The following UNC79 variants were observed in gnomAD, a reference collection of about 807,000 sequenced individuals.
UNC79 encodes protein unc-79 homolog.
In UNC79, 37 loss-of-function variants were observed where a neutral mutation model predicts 283.1. That is an observed-to-expected ratio of 0.13 (90% confidence interval 0.10 to 0.17). The LOEUF is 0.17. UNC79 is among the 10% of genes least tolerant of loss of function. The pLI, the probability that UNC79 is intolerant of heterozygous loss-of-function variation, is 1.00. For synonymous variants in UNC79, 1,107 were observed against 1,200.2 expected, an observed-to-expected ratio of 0.92 and a Z score of 1.61; for missense variants, 2,272 against 3,211.1, an observed-to-expected ratio of 0.71 and a Z score of 7.07.
At chr14:93,706,591 A>G in intron 48 of UNC79, 113 bp from the exon 52 acceptor site, 1 of 1,239,864 alleles carries the variant, frequency 8.1e-7, no homozygotes, top group Non-Finnish European at 1.1e-6. Context: ...TCTTCAGGCC[A>G]GACAACCCTT....
Position 93,642,502 on chromosome 14 carries a change from T to C in UNC79, c.5904-1055T>C, listed in dbSNP as rs191118917. Among the ~76,000 whole-genome samples the C allele has an allele frequency of 1.4e-4, 21 of 151,828 alleles. No homozygotes were observed. The East Asian group carries it at 3.7e-3, about 27-fold the overall frequency. Reference sequence around the variant, plus strand: ...AGTATCCCTGTAGCTGACCATCCATTACTCATTGTAATGACCTGACAGCCA... The same window carrying C: ...AGTATCCCTGTAGCTGACCATCCATCACTCATTGTAATGACCTGACAGCCA... On this transcript the variant is annotated intron_variant, in intron 33 of 48. Coordinates refer to ENST00000555664, the Ensembl canonical transcript of UNC79.
chr14:93,558,487 C>T (rs1024606151), intron 14 of UNC79, among the ~76,000 whole-genome samples: 3 of 147,794 alleles, frequency 2.0e-5, no homozygotes, highest in African/African-American at 7.6e-5. Flanking sequence ...ACCCCGGAGG[C>T]GGAGCTTGCA....
chr14:93,350,695 C>A (rs2053965878), intron 1 of UNC79, among the ~76,000 whole-genome samples: 2 of 152,058 alleles, frequency 1.3e-5, no homozygotes, highest in East Asian at 3.9e-4. Flanking sequence ...TAACCAATTT[C>A]TTTTAAAAAC....
intron 18 of UNC79, 51 bp downstream of exon 18, chr14:93,578,114 G>C (rs374722899): frequency 1.1e-5 from 16 of 1,520,840 alleles, no homozygotes; most frequent in African/African-American, 1.4e-5. Flanking sequence ...ATGAGAGAAA[G>C]CGTTGTACAG....
chr14:93,607,617 G>A (rs1247855164), intron 26 of UNC79, among the ~76,000 whole-genome samples: 1 of 152,206 alleles, frequency 6.6e-6, no homozygotes, highest in Non-Finnish European at 1.5e-5. Context: ...TTAAGGCCAT[G>A]AGTGTCCAGA....
chr14:93,565,620 C>G (rs189461544), intron 14 of UNC79, among the ~76,000 whole-genome samples: 62 of 152,266 alleles, frequency 4.1e-4, no homozygotes, highest in Middle Eastern at 3.4e-3. Flanking sequence ...CACAGGGACT[C>G]AAATATAGAA....
chr14:93,364,788 G>A (rs1280687916), intron 1 of UNC79, among the ~76,000 whole-genome samples: 2 of 151,830 alleles, frequency 1.3e-5, no homozygotes, highest in African/African-American at 2.4e-5. Context: ...AAGGTCCTGG[G>A]ATTTTTTTCC....
chr14:93,476,989 A>G (rs1004536669), intron 3 of UNC79, among the ~76,000 whole-genome samples: 2 of 152,182 alleles, frequency 1.3e-5, no homozygotes, highest in African/African-American at 4.8e-5. Context: ...CTGTTTAAAG[A>G]TGTTGTTAGA....
At chr14:93,640,398 G>T (rs1365845473) in intron 32 of UNC79, among the ~76,000 whole-genome samples, 1 of 152,204 alleles carries the variant, frequency 6.6e-6, no homozygotes, top group African/African-American at 2.4e-5. Context: ...GGAGGCTGAG[G>T]TGGGAGGATC....
chr14:93,641,673 G>A (rs1456683395), intron 33 of UNC79, among the ~76,000 whole-genome samples: 2 of 152,084 alleles, frequency 1.3e-5, no homozygotes, highest in Non-Finnish European at 2.9e-5. Flanking sequence ...ACAAAACAAA[G>A]CACTTGTAAG....
chr14:93,579,589 C>G lies in UNC79; in HGVS notation c.2434-560C>G, dbSNP rs145759977. 2.3e-3 allele frequency among the ~76,000 whole-genome samples: 356 copies of G among 152,264 alleles called. 1 individual carries two copies. The highest frequency in any genetic ancestry group is 7.9e-3 in the African/African-American group (330 of 41,554). ...GTTACTATGATTCTGTATTTTGATG[C>G]TCGTATTGTTCCGCATTTGGCCAGT... On this transcript the variant is annotated intron_variant, in intron 18 of 48. Coordinates refer to ENST00000555664, the Ensembl canonical transcript of UNC79.
intron 35 of UNC79, among the ~76,000 whole-genome samples, chr14:93,651,912 ATTTTTTTTTTTTTT>A (rs71129653): frequency 1.1e-4 from 5 of 46,602 alleles, no homozygotes; most frequent in Non-Finnish European, 2.0e-4. Context: ...CTAATTTTGT[ATTTTTTTTTTTTTT>A]TTTTTTTTTT....
At chr14:93,434,373 A>T (rs545295916) in intron 1 of UNC79, among the ~76,000 whole-genome samples, 3 of 150,992 alleles carry the variant, frequency 2.0e-5, no homozygotes, top group South Asian at 2.1e-4. Context: ...GAAGAGTTAA[A>T]TTTTTTTTTT....
At chr14:93,640,168 G>T (rs1032743200) in intron 32 of UNC79, among the ~76,000 whole-genome samples, 3 of 152,102 alleles carry the variant, frequency 2.0e-5, no homozygotes, top group Non-Finnish European at 4.4e-5. Context: ...TTTCCAGACT[G>T]ATTTACTCAT....
intron 1 of UNC79, among the ~76,000 whole-genome samples, chr14:93,385,439 T>C (rs1200276440): frequency 2.0e-5 from 3 of 152,138 alleles, no homozygotes; most frequent in African/African-American, 4.8e-5. Flanking sequence ...GTAAATAGGA[T>C]TACTTTCTTG....
In UNC79 at chr14:93,688,096, C is replaced by A. The variant is rs1327560975; in HGVS notation, c.6910-569C>A. Among the ~76,000 whole-genome samples, 6 of 152,130 alleles carry A rather than the reference C, an allele frequency of 3.9e-5. No individual in the cohort carries two copies. Among genetic ancestry groups the A allele is most frequent in the Admixed American group, 3.9e-4 (6 of 15,274 alleles). On this transcript the variant is annotated intron_variant, in intron 43 of 48. Coordinates refer to ENST00000555664, the Ensembl canonical transcript of UNC79. This position sits in a 1 kb window ranked among gnomAD's most constrained non-coding sequence, Gnocchi z 4.0. ...AATTAATTCAACAAATAGGTATGAGCACCTGTAATGTCGTGGCACTGTTCT... is the reference window on the plus strand; with the variant it reads ...AATTAATTCAACAAATAGGTATGAGAACCTGTAATGTCGTGGCACTGTTCT...
intron 1 of UNC79, among the ~76,000 whole-genome samples, chr14:93,346,957 G>A (rs1206235791): frequency 2.0e-5 from 3 of 151,982 alleles, no homozygotes; most frequent in Non-Finnish European, 2.9e-5. Flanking sequence ...GAACTGAAGA[G>A]AGTGGAGCAG....
chr14:93,605,938 A>G (rs1235869620), intron 26 of UNC79, among the ~76,000 whole-genome samples: 1 of 152,218 alleles, frequency 6.6e-6, no homozygotes, highest in Non-Finnish European at 1.5e-5. Flanking sequence ...ACCTTGCCTT[A>G]CACATCGCTC....
At chr14:93,424,947 T>C (rs2055691341) in intron 1 of UNC79, among the ~76,000 whole-genome samples, 1 of 152,184 alleles carries the variant, frequency 6.6e-6, no homozygotes, top group Non-Finnish European at 1.5e-5. Flanking sequence ...ACACATTGCA[T>C]GCCTATATCA....
Sources: gnomAD v4.1 joint callset for allele counts (sites outside exome capture counted in the v4.1 genomes callset) on GRCh38, gnomAD v4.1.1 for gene constraint, Gnocchi (gnomAD v3.1) non-coding constraint, MANE v1.5 for transcripts, NCBI Gene and HGNC (gene_info 2026-07-23, HGNC 2026-07-21) for gene names.